ARHGAP39: variants seen among roughly 807,000 people sequenced by gnomAD.
The protein encoded by ARHGAP39 is rho GTPase-activating protein 39.
In ARHGAP39, 44 loss-of-function variants were observed where a neutral mutation model predicts 106.9. The ratio of observed to expected loss-of-function variants is 0.41; its 90% CI spans 0.32 to 0.53. ARHGAP39 has a LOEUF of 0.53. Among genes scored for constraint, ARHGAP39 ranks in the 20% least tolerant of loss-of-function variants. The probability of loss-of-function intolerance (pLI) is 0.21; values close to 1 mark genes in which losing one functional copy is unlikely to be tolerated. For missense variants in ARHGAP39, 1,496 were observed against 1,577.3 expected, an observed-to-expected ratio of 0.95 and a Z score of 0.87; for synonymous variants, 768 against 693.2, an observed-to-expected ratio of 1.11 and a Z score of -1.69.
intron 2 of ARHGAP39, among the ~76,000 whole-genome samples, chr8:144,603,842 G>A (rs2130942922): frequency 6.6e-6 from 1 of 152,308 alleles, no homozygotes; most frequent in African/African-American, 2.4e-5. Flanking sequence ...AGGCTGAGCA[G>A]GGCAGCTGTG....
At chr8:144,649,897 C>T (rs1821533474) in intron 1 of ARHGAP39, among the ~76,000 whole-genome samples, 1 of 152,180 alleles carries the variant, frequency 6.6e-6, no homozygotes, top group African/African-American at 2.4e-5. Context: ...GTAATCCCAG[C>T]ACTTTGGAAA....
At chr8:144,611,509 G>A (rs138971590) in intron 1 of ARHGAP39, among the ~76,000 whole-genome samples, 1 of 152,252 alleles carries the variant, frequency 6.6e-6, no homozygotes, top group Non-Finnish European at 1.5e-5. Flanking sequence ...TTTGCTTCAT[G>A]TATTTTATAG....
At chr8:144,665,027 T>C (rs938948146) in intron 1 of ARHGAP39, among the ~76,000 whole-genome samples, 2 of 152,320 alleles carry the variant, frequency 1.3e-5, no homozygotes, top group East Asian at 1.9e-4. Flanking sequence ...TGTTGAACGG[T>C]TGACAAAAAT....
intron 1 of ARHGAP39, among the ~76,000 whole-genome samples, chr8:144,616,212 T>C (rs924579330): frequency 7.9e-5 from 12 of 152,250 alleles, no homozygotes; most frequent in African/African-American, 2.9e-4. Flanking sequence ...TGGAGGGGCC[T>C]CTGTGCCTTT....
chr8:144,682,293 T>C (rs1822444666), intron 1 of ARHGAP39, among the ~76,000 whole-genome samples: 1 of 136,274 alleles, frequency 7.3e-6, no homozygotes, highest in Admixed American at 7.7e-5. Context: ...CTCACTCCTG[T>C]AATCCCAGCA....
chr8:144,602,552 G>C (rs1820059278), intron 2 of ARHGAP39, among the ~76,000 whole-genome samples: 1 of 142,352 alleles, frequency 7.0e-6, no homozygotes, highest in Admixed American at 7.0e-5. Flanking sequence ...GTGCATGGAG[G>C]CGTGCGTGCG....
intron 1 of ARHGAP39, among the ~76,000 whole-genome samples, chr8:144,680,163 C>T (rs1822366803): frequency 6.6e-6 from 1 of 152,170 alleles, no homozygotes; most frequent in South Asian, 2.1e-4. Flanking sequence ...TATGTCCCTA[C>T]TCTTCCCTCT....
At chr8:144,680,633 A>G (rs1822386485) in intron 1 of ARHGAP39, among the ~76,000 whole-genome samples, 1 of 152,210 alleles carries the variant, frequency 6.6e-6, no homozygotes, top group South Asian at 2.1e-4. Context: ...ACAAAACAAT[A>G]CTTGGAAAAC....
intron 3 of ARHGAP39, among the ~76,000 whole-genome samples, chr8:144,570,086 T>C (rs183031064): frequency 6.6e-6 from 1 of 152,296 alleles, no homozygotes; most frequent in African/African-American, 2.4e-5. Flanking sequence ...CCAGGCGTGG[T>C]GGCTCATGCC....
chr8:144,677,678 G>C lies in ARHGAP39; in HGVS notation c.-82+8008C>G, dbSNP rs115221469. On this transcript the variant is annotated intron_variant, in intron 1 of 11. Transcript: ENST00000377307. ...TTCAGAAACTTTTTAAAAAGAAAAG[G>C]GTAAGGAAAAAAACAGAATACATAC... is the stretch of plus-strand genomic sequence containing the variant. Among the ~76,000 whole-genome samples the C allele has an allele frequency of 1.7e-3, 259 of 152,042 alleles. 1 individual carries two copies. Among genetic ancestry groups the C allele is most frequent in the African/African-American group, 6.1e-3 (254 of 41,482 alleles).
At chr8:144,584,514 G>A (rs1339011247) in intron 2 of ARHGAP39, among the ~76,000 whole-genome samples, 2 of 152,146 alleles carry the variant, frequency 1.3e-5, no homozygotes, top group Admixed American at 6.5e-5. Flanking sequence ...TGTAATCCCA[G>A]CACTTTGGGA....
chr8:144,698,899 G>T, the ARHGAP39 span: 1 of 455,794 alleles, frequency 2.2e-6, no homozygotes, highest in Non-Finnish European at 4.4e-6. Flanking sequence ...GGGGGGGTTG[G>T]GGGGTCCAAG....
At chr8:144,564,983 G>A (rs1818339288) in intron 3 of ARHGAP39, among the ~76,000 whole-genome samples, 1 of 152,042 alleles carries the variant, frequency 6.6e-6, no homozygotes, top group Non-Finnish European at 1.5e-5. Context: ...GGAAGCATGT[G>A]CATGTAATCC....
At chr8:144,636,992 C>A (rs1222884129) in intron 1 of ARHGAP39, among the ~76,000 whole-genome samples, 4 of 152,230 alleles carry the variant, frequency 2.6e-5, no homozygotes, top group African/African-American at 4.8e-5. Context: ...TTTCTGGAAG[C>A]TTTCCGAATC....
intron 1 of ARHGAP39, among the ~76,000 whole-genome samples, chr8:144,681,613 T>G (rs981180089): frequency 2.0e-4 from 31 of 152,188 alleles, no homozygotes; most frequent in African/African-American, 6.8e-4. Flanking sequence ...TTCTCTGAAC[T>G]ACTATTGATA....
chr8:144,533,908 T>A (rs184659589), intron 8 of ARHGAP39, among the ~76,000 whole-genome samples: 3 of 152,158 alleles, frequency 2.0e-5, no homozygotes, highest in Admixed American at 2.0e-4. Flanking sequence ...GCCTTGCTCC[T>A]GAGCTGGGGG....
intron 1 of ARHGAP39, among the ~76,000 whole-genome samples, chr8:144,678,825 G>A (rs1209613083): frequency 6.6e-6 from 1 of 152,190 alleles, no homozygotes; most frequent in Non-Finnish European, 1.5e-5. Context: ...GGAGATCACT[G>A]CCCTGTTTAT....
chr8:144,600,112 T>G (rs1461201431), intron 2 of ARHGAP39, among the ~76,000 whole-genome samples: 2 of 149,088 alleles, frequency 1.3e-5, no homozygotes, highest in Non-Finnish European at 3.0e-5. Flanking sequence ...TGTGTACCTA[T>G]GTGTGCGTAG....
At chr8:144,654,100 C>T (rs1377940091) in intron 1 of ARHGAP39, among the ~76,000 whole-genome samples, 1 of 152,244 alleles carries the variant, frequency 6.6e-6, no homozygotes, top group African/African-American at 2.4e-5. Flanking sequence ...AAGATGAACA[C>T]TGACCTACAG....
Sources: allele counts gnomAD v4.1 joint callset (sites outside exome capture counted in the v4.1 genomes callset), GRCh38; gene constraint gnomAD v4.1.1; transcripts MANE v1.5; gene names NCBI Gene and HGNC (gene_info 2026-07-23, HGNC 2026-07-21).